The following SEMA5B variants were observed in gnomAD, a reference collection of about 807,000 sequenced individuals.
The protein encoded by SEMA5B is semaphorin 5B, also known as semaphorin-5B.
A neutral mutation model predicts 135.0 loss-of-function variants in SEMA5B; 66 were observed. That is an observed-to-expected ratio of 0.49 (90% CI 0.40 to 0.60). SEMA5B has a LOEUF of 0.60. Among genes scored for constraint, SEMA5B ranks in the 20% least tolerant of loss-of-function variants. The probability of loss-of-function intolerance (pLI) is 0.00; values close to 1 mark genes in which losing one functional copy is unlikely to be tolerated. For synonymous variants in SEMA5B, 690 were observed against 639.5 expected (o/e 1.08, Z -1.19); for missense variants, 1,501 against 1,566.3 (o/e 0.96, Z 0.70).
At chr3:122,966,386 G>T (rs1380634892) in intron 1 of SEMA5B, among the ~76,000 whole-genome samples, 2 of 152,110 alleles carry the variant, frequency 1.3e-5, no homozygotes. Flanking sequence ...AAAAAGAATA[G>T]TCCCAGAAGT....
At chr3:123,026,174 T>C (rs1942794240) in intron 1 of SEMA5B, among the ~76,000 whole-genome samples, 1 of 152,160 alleles carries the variant, frequency 6.6e-6, no homozygotes, top group African/African-American at 2.4e-5. Context: ...AAGATGGGGT[T>C]AGGGCCAGAG....
At chr3:123,018,166 C>T (rs1251059481) in intron 1 of SEMA5B, among the ~76,000 whole-genome samples, 1 of 152,236 alleles carries the variant, frequency 6.6e-6, no homozygotes, top group East Asian at 1.9e-4. Context: ...CATCTGTTCC[C>T]AGGGCAGGAG....
chr3:122,948,727 A>C lies in SEMA5B; in HGVS notation c.125-18T>G. The C allele has an allele frequency of 6.4e-7, 1 of 1,568,934 alleles. No individual in the cohort carries two copies. Among genetic ancestry groups the C allele is most frequent in the East Asian group, 2.3e-5 (1 of 43,476 alleles). ...GAGAAGACCTGCAACGTAAACACTCAGTCTCACCAAGCGCTCCCTCCAACT... is the reference window on the plus strand; with the variant it reads ...GAGAAGACCTGCAACGTAAACACTCCGTCTCACCAAGCGCTCCCTCCAACT... On this transcript the variant is annotated intron_variant, in intron 2 of 22. Transcript: ENST00000357599.
At chr3:122,935,640 T>C (rs964523717) in intron 5 of SEMA5B, among the ~76,000 whole-genome samples, 6 of 150,658 alleles carry the variant, frequency 4.0e-5, no homozygotes, top group Admixed American at 6.6e-5. Context: ...GCATCCCTTC[T>C]GCAAGCCGAC....
Position 122,921,932 on chromosome 3 carries a change from G to C in SEMA5B, c.1671C>G (p.Ala557=), listed in dbSNP as rs748849408. The part of the protein sequence containing the change: ...GVLRVPLERC[A]AYRSQGACLG... ...CGGCTTACCCCTGGCTGCGGTAGGC[G>C]GCGCACCTCTCCAGTGGGACCCGCA... is the stretch of plus-strand genomic sequence containing the variant. The change falls in exon 12 of 23, where the codon GCC becomes GCG. Residue 557 remains alanine (A), a synonymous_variant. Coordinates refer to ENST00000357599, the MANE Select transcript of SEMA5B (RefSeq NM_001031702.4). 1 of 1,533,992 alleles carries C rather than the reference G, an allele frequency of 6.5e-7. No individual in the cohort carries two copies. The highest frequency in any genetic ancestry group is 1.2e-5 in the South Asian group (1 of 83,772).
chr3:122,976,805 T>C (rs149456755), intron 1 of SEMA5B, among the ~76,000 whole-genome samples: 3,049 of 152,282 alleles, frequency 0.02, 107 homozygotes, highest in African/African-American at 0.069. Flanking sequence ...ATTCCAGCAC[T>C]TTGGAAGGCC....
intron 1 of SEMA5B, among the ~76,000 whole-genome samples, chr3:122,988,325 T>C (rs933889103): frequency 6.6e-6 from 1 of 152,180 alleles, no homozygotes; most frequent in African/African-American, 2.4e-5. Context: ...AGCTCTAGCA[T>C]GAAACCCCAG....
chr3:122,925,864 G>C (rs1301468191), intron 9 of SEMA5B, among the ~76,000 whole-genome samples: 3 of 151,730 alleles, frequency 2.0e-5, no homozygotes, highest in African/African-American at 7.3e-5. Context: ...GGGAGGGGGT[G>C]GGAGGAGGGT....
chr3:122,917,366 G>C (rs766199188), intron 12 of SEMA5B, among the ~76,000 whole-genome samples: 1 of 152,168 alleles, frequency 6.6e-6, no homozygotes, highest in Non-Finnish European at 1.5e-5. Context: ...GTTTGCAGGG[G>C]GATCTTCCCA....
chr3:122,941,331 C>T (rs563504050), intron 4 of SEMA5B, among the ~76,000 whole-genome samples: 2 of 152,234 alleles, frequency 1.3e-5, no homozygotes, highest in Non-Finnish European at 2.9e-5. Context: ...AAGTGTCCCT[C>T]CATCTTTGTG....
intron 1 of SEMA5B, among the ~76,000 whole-genome samples, chr3:122,998,743 AG>A (rs1434365550): frequency 2.6e-5 from 4 of 152,140 alleles, no homozygotes; most frequent in Admixed American, 1.3e-4. Flanking sequence ...CCCTCTTCCC[AG>A]GGGCTCCACT....
At chr3:122,955,424 GT>G (rs1352964663) in intron 2 of SEMA5B, among the ~76,000 whole-genome samples, 1 of 152,222 alleles carries the variant, frequency 6.6e-6, no homozygotes, top group Non-Finnish European at 1.5e-5. Context: ...GTCTCAACTA[GT>G]TTAAGCCCTT....
intron 4 of SEMA5B, 79 bp from the exon 5 acceptor site, chr3:122,939,549 C>T (rs914033803): frequency 9.0e-7 from 1 of 1,116,292 alleles, no homozygotes; most frequent in Non-Finnish European, 1.4e-6. Flanking sequence ...TGGCTTGGGC[C>T]TCCTGGGACG....
Position 122,921,898 on chromosome 3 carries a change from G to C in SEMA5B, c.1688+17C>G, listed in dbSNP as rs564343958. On this transcript the variant is annotated intron_variant, in intron 12 of 22. Coordinates refer to ENST00000357599, the MANE Select transcript of SEMA5B (RefSeq NM_001031702.4). The stretch of plus-strand genomic sequence containing the variant: ...CTCCGCAGTGGAGGCCTCGGGAGCC[G>C]CCCCGTCCCGGCTTACCCCTGGCTG... 2 of 1,522,618 alleles carry C rather than the reference G, an allele frequency of 1.3e-6. No individual in the cohort carries two copies. The highest frequency in any genetic ancestry group is 2.8e-5 in the African/African-American group (2 of 71,914). The allele number at this position is 1,522,618 out of a possible 1,614,324, so 94.3% of individuals were successfully genotyped here. A position where few individuals can be genotyped will look rare whatever the true frequency, so the allele number is the denominator to read the frequency against.
chr3:122,951,225 C>T (rs933880591), intron 2 of SEMA5B, among the ~76,000 whole-genome samples: 2 of 152,116 alleles, frequency 1.3e-5, no homozygotes, highest in African/African-American at 4.8e-5. Flanking sequence ...AGCTTATTAG[C>T]ATGGTAACTT....
chr3:123,025,032 G>T (rs543379397), intron 1 of SEMA5B, among the ~76,000 whole-genome samples: 144 of 152,254 alleles, frequency 9.5e-4, no homozygotes, highest in Non-Finnish European at 1.3e-3. Flanking sequence ...ACCACTGTAG[G>T]GTCTTTCAAA....
chr3:123,006,860 G>A (rs759290810), intron 1 of SEMA5B, among the ~76,000 whole-genome samples: 6 of 152,176 alleles, frequency 3.9e-5, no homozygotes, highest in Middle Eastern at 3.4e-3. Flanking sequence ...AAACACAGCT[G>A]CTTAGATGAA....
chr3:122,968,851 G>A (rs1940993807), intron 1 of SEMA5B, among the ~76,000 whole-genome samples: 2 of 152,140 alleles, frequency 1.3e-5, no homozygotes, highest in Admixed American at 1.3e-4. Flanking sequence ...AAGGCTATGG[G>A]CCATAAGTCT....
chr3:122,943,280 C>T (rs561676784), intron 4 of SEMA5B, among the ~76,000 whole-genome samples, 156 bp downstream of exon 4: 173 of 152,338 alleles, frequency 1.1e-3, no homozygotes, highest in African/African-American at 3.6e-3. Flanking sequence ...CACGCTTCCT[C>T]CTGTGGGGGG....
Sources: allele counts gnomAD v4.1 joint callset (sites outside exome capture counted in the v4.1 genomes callset), GRCh38; gene constraint gnomAD v4.1.1; transcripts MANE v1.5; gene names NCBI Gene and HGNC (gene_info 2026-07-23, HGNC 2026-07-21).